Variants in ABHD12 observed in about 807,000 individuals in gnomAD.
ABHD12 encodes the protein abhydrolase domain containing 12, lysophospholipase.
ABHD12 carries 43 observed loss-of-function variants against 58.3 expected under a neutral mutation model. The observed-to-expected ratio is 0.74, with a 90% confidence interval of 0.58 to 0.95. The LOEUF is 0.95. Among genes scored for constraint, ABHD12 ranks in the 40% least tolerant of loss-of-function variants. The pLI, the probability that ABHD12 is intolerant of heterozygous loss-of-function variation, is 0.00. For missense variants in ABHD12, 539 were observed against 537.2 expected, an observed-to-expected ratio of 1.00 and a Z score of -0.03; for synonymous variants, 219 against 211.2, an observed-to-expected ratio of 1.04 and a Z score of -0.32.
intron 2 of ABHD12, among the ~76,000 whole-genome samples, chr20:25,331,124 C>A (rs1441992725): frequency 1.3e-5 from 2 of 152,098 alleles, no homozygotes; most frequent in Non-Finnish European, 2.9e-5. Flanking sequence ...CTTAAAGGAG[C>A]TGATGGAGCT....
chr20:25,302,095 A>G (rs916060139), intron 12 of ABHD12, 124 bp downstream of exon 12: 70 of 1,407,588 alleles, frequency 5.0e-5, no homozygotes, highest in Non-Finnish European at 6.6e-5. Flanking sequence ...AGGCTCCCAA[A>G]TCACTGTGAC....
At chr20:25,357,822 A>T (rs2089688684) in intron 1 of ABHD12, among the ~76,000 whole-genome samples, 1 of 152,070 alleles carries the variant, frequency 6.6e-6, no homozygotes, top group Non-Finnish European at 1.5e-5. Flanking sequence ...ACCAGCCTGG[A>T]CAACATGGCA....
chr20:25,326,649 T>G (rs1347032677), intron 2 of ABHD12, among the ~76,000 whole-genome samples: 1 of 152,196 alleles, frequency 6.6e-6, no homozygotes, highest in African/African-American at 2.4e-5. Flanking sequence ...AAGTATATAA[T>G]AAGACTAAAG....
Position 25,302,259 on chromosome 20 carries a change from T to C in ABHD12, c.1117A>G (p.Lys373Glu). 1 of 1,613,768 alleles carries C rather than the reference T, an allele frequency of 6.2e-7. No individual in the cohort carries two copies. The highest frequency in any genetic ancestry group is 8.5e-7 in the Non-Finnish European group (1 of 1,180,002). ...AGCTCAGGGCTCTTGTAAATGTATT[T>C]GTGCCTGTAGCCAAGGTCTGAATGA... ...PFHSDLGYRH[K>E]YIYKSPELPR... Residue 373 changes from lysine to glutamate, a missense_variant, in exon 12 of 13, where the codon AAA becomes GAA. By Grantham distance (56) the Lys-to-Glu change is moderately conservative. Coordinates refer to ENST00000339157, the MANE Select transcript of ABHD12 (RefSeq NM_001042472.3).
chr20:25,295,801 GTCATCAGTCGGCTGTGCCTGCCTTTA>G (rs1325816460), downstream of ABHD12: 2 of 1,019,410 alleles, frequency 2.0e-6, no homozygotes, highest in African/African-American at 3.2e-5. Flanking sequence ...ATTCTGATCT[GTCATCAGTCGGCTGTGCCTGCCTTTA>G]GGGAAGCTGT....
At chr20:25,351,644 C>T (rs558487917) in intron 1 of ABHD12, among the ~76,000 whole-genome samples, 1 of 152,182 alleles carries the variant, frequency 6.6e-6, no homozygotes, top group Admixed American at 6.5e-5. Context: ...CTGGACAGCA[C>T]GGTGGTTCGC....
In ABHD12 at chr20:25,302,329, T is replaced by C. The variant is rs759121223; in HGVS notation, c.1047A>G (p.Ala349=). The C allele has an allele frequency of 2.5e-6, 4 of 1,613,346 alleles. No individual in the cohort carries two copies. The African/African-American group carries it at 4.0e-5, about 16-fold the overall frequency. The change falls in exon 12 of 13, where the codon GCA becomes GCG. Residue 349 remains alanine (A), a synonymous_variant. Coordinates refer to ENST00000339157, the MANE Select transcript of ABHD12 (RefSeq NM_001042472.3). ...QLGRKLYSIA[A]PARSFRDFKV... is the part of the protein sequence containing the mutation. ...TGAAATCTCGGAAGCTTCGAGCTGGTGCGGCGATGCTATAGAGCTGGGGAG... is the reference window on the plus strand; with the variant it reads ...TGAAATCTCGGAAGCTTCGAGCTGGCGCGGCGATGCTATAGAGCTGGGGAG...
At chr20:25,350,016 T>C (rs79430684) in intron 1 of ABHD12, among the ~76,000 whole-genome samples, 2,318 of 152,254 alleles carry the variant, frequency 0.015, 33 homozygotes, top group Middle Eastern at 0.024. Flanking sequence ...GCTGCATCAA[T>C]AGTGAGGATA....
At chr20:25,387,506 C>CT (rs1600893447) in intron 1 of ABHD12, among the ~76,000 whole-genome samples, 1 of 147,200 alleles carries the variant, frequency 6.8e-6, no homozygotes, top group Non-Finnish European at 1.5e-5. Context: ...ATACCTAACA[C>CT]TTTGGGAGGC....
chr20:25,340,210 T>C (rs1047087885), intron 1 of ABHD12, among the ~76,000 whole-genome samples: 5 of 152,376 alleles, frequency 3.3e-5, no homozygotes, highest in Admixed American at 3.3e-4. Flanking sequence ...TATTTAAAAA[T>C]GTCTATTAAT....
intron 1 of ABHD12, among the ~76,000 whole-genome samples, chr20:25,360,064 G>C (rs2089723947): frequency 1.3e-5 from 2 of 151,602 alleles, no homozygotes; most frequent in Admixed American, 1.3e-4. Flanking sequence ...GTCCTTGAGA[G>C]TGGGTAAATA....
chr20:25,380,815 C>CCCTGTA (rs2090013625), intron 1 of ABHD12, among the ~76,000 whole-genome samples: 1 of 152,104 alleles, frequency 6.6e-6, no homozygotes. Context: ...CAGGTACAGG[C>CCCTGTA]CCTAACCTCC....
rs372122685 is a variant in ABHD12 at position 25,318,558 on chromosome 20, G to C, written c.543-1480C>G. 6.5e-4 allele frequency among the ~76,000 whole-genome samples: 99 copies of C among 152,288 alleles called. No individual in the cohort carries two copies. The South Asian group carries it at 0.019, about 29-fold the overall frequency. On this transcript the variant is annotated intron_variant, in intron 4 of 12. Coordinates refer to ENST00000339157, the MANE Select transcript of ABHD12 (RefSeq NM_001042472.3). ...ACAGGACAAAGAAAGCAGGCAACGT[G>C]GGGGTGGCGAGGACTGCAGCCAGGC... is the stretch of plus-strand genomic sequence containing the variant.
At chr20:25,349,155 G>C (rs2089564792) in intron 1 of ABHD12, among the ~76,000 whole-genome samples, 1 of 151,524 alleles carries the variant, frequency 6.6e-6, no homozygotes, top group African/African-American at 2.4e-5. Flanking sequence ...GAAAATAAGA[G>C]AGCACATTAA....
rs976297102 is a variant in ABHD12, at chr20:25,361,307, T to C, written c.192-21956A>G. ...AACAGTATCTTTTCAATATTGTATG[T>C]TCTCATCTAAAAACAAACTGTATCT... is the stretch of plus-strand genomic sequence containing the variant. On this transcript the variant is annotated intron_variant, in intron 1 of 12. Coordinates refer to ENST00000339157, the MANE Select transcript of ABHD12 (RefSeq NM_001042472.3). 2.6e-5 allele frequency among the ~76,000 whole-genome samples: 4 copies of C among 152,242 alleles called. No homozygotes were observed. The East Asian group carries it at 7.7e-4, about 29-fold the overall frequency.
At chr20:25,374,993 G>A (rs2089944758) in intron 1 of ABHD12, among the ~76,000 whole-genome samples, 1 of 151,770 alleles carries the variant, frequency 6.6e-6, no homozygotes, top group Middle Eastern at 3.4e-3. Context: ...GAATATGACT[G>A]TATTTAGAGA....
At chr20:25,317,165 G>A (rs2088978602) in intron 4 of ABHD12, 87 bp from the exon 5 acceptor site, 2 of 870,560 alleles carry the variant, frequency 2.3e-6, no homozygotes, top group South Asian at 1.4e-5. Flanking sequence ...CAAACCAGGG[G>A]GAGGCCAATG....
At chr20:25,339,819 AC>A in intron 1 of ABHD12, 9 of 1,179,132 alleles carry the variant, frequency 7.6e-6, no homozygotes, top group Non-Finnish European at 8.7e-6. Context: ...CATCAACAGA[AC>A]CTGCCTGACC....
chr20:25,369,927 T>TA lies in ABHD12; in HGVS notation c.191+20585dup, dbSNP rs3032443. 4.6e-3 allele frequency among the ~76,000 whole-genome samples: 421 copies of TA among 91,410 alleles called. 5 individuals are homozygous for TA. Among genetic ancestry groups the TA allele is most frequent in the Admixed American group, 6.4e-3 (44 of 6,848 alleles). The allele number at this position is 91,410 out of a possible 152,430, so 60.0% of individuals were successfully genotyped here. The stretch of plus-strand genomic sequence containing the variant: ...AGACCCTGTTTCTCTGTCTCTGTTA[T>TA]AAAAAAAAAAAAAAAAAAAAAAGCC... On this transcript the variant is annotated intron_variant, in intron 1 of 12. Coordinates refer to ENST00000339157, the MANE Select transcript of ABHD12 (RefSeq NM_001042472.3).
Sources: allele counts gnomAD v4.1 joint callset (sites outside exome capture counted in the v4.1 genomes callset), GRCh38; gene constraint gnomAD v4.1.1; transcripts MANE v1.5; gene names NCBI Gene and HGNC (gene_info 2026-07-23, HGNC 2026-07-21).